The following IST1 variants were observed in gnomAD, a reference collection of about 807,000 sequenced individuals.
The protein encoded by IST1 is IST1 homolog.
A neutral mutation model predicts 37.0 loss-of-function variants in IST1; 23 were observed. That is an observed-to-expected ratio of 0.62 (90% CI 0.45 to 0.88). The LOEUF is 0.88. Ranked by LOEUF, IST1 falls within the 40% of genes least tolerant of loss-of-function variation. IST1 has a pLI of 0.00. For missense variants in IST1, 488 were observed against 445.4 expected (o/e 1.10, Z -0.86); for synonymous variants, 180 against 161.7 (o/e 1.11, Z -0.86).
chr16:71,910,210 G>C (rs539326729), intron 1 of IST1, among the ~76,000 whole-genome samples: 1 of 152,090 alleles, frequency 6.6e-6, no homozygotes, highest in South Asian at 2.1e-4. Context: ...GTGCCATCCT[G>C]CTCATCCCAC....
intron 1 of IST1, among the ~76,000 whole-genome samples, chr16:71,914,191 CAG>C (rs2037420825): frequency 7.0e-6 from 1 of 142,664 alleles, no homozygotes; most frequent in Non-Finnish European, 1.5e-5. Flanking sequence ...TTTTTTGAGA[CAG>C]AGTCTTGTTC....
intron 6 of IST1, among the ~76,000 whole-genome samples, 163 bp from the exon 7 acceptor site, chr16:71,922,311 A>G (rs141919865): frequency 6.6e-6 from 1 of 152,192 alleles, no homozygotes; most frequent in African/African-American, 2.4e-5. Context: ...TTGCAGCCCA[A>G]CTTCTCCTTC....
In IST1 at chr16:71,930,049, T is replaced by C. The variant is rs2037875980; in HGVS notation, c.*2236T>C. ...CATGCTAGTTTATCTTTTAGTTACC[T>C]ACCTTAAGCGACTTTCTTTCTTTTC... On this transcript the variant is annotated 3_prime_UTR_variant, in exon 10 of 10. Coordinates refer to ENST00000378799, the MANE Select transcript of IST1 (RefSeq NM_001270975.2). The C allele has an allele frequency of 1.3e-6, 2 of 1,546,516 alleles. No individual in the cohort carries two copies. The highest frequency in any genetic ancestry group is 1.4e-5 in the African/African-American group (1 of 72,744).
intron 1 of IST1, among the ~76,000 whole-genome samples, chr16:71,909,669 A>T (rs1381476577): frequency 6.6e-6 from 1 of 152,228 alleles, no homozygotes; most frequent in Non-Finnish European, 1.5e-5. Context: ...AATTTTTGCC[A>T]GTCTGGCAGG....
At chr16:71,914,401 C>G (rs1188510575) in intron 1 of IST1, among the ~76,000 whole-genome samples, 1 of 152,064 alleles carries the variant, frequency 6.6e-6, no homozygotes, top group African/African-American at 2.4e-5. Context: ...ACCTCATGAT[C>G]TGCCCACCTC....
intron 4 of IST1, among the ~76,000 whole-genome samples, chr16:71,919,159 C>T (rs1177817055): frequency 6.6e-6 from 1 of 152,216 alleles, no homozygotes; most frequent in African/African-American, 2.4e-5. Context: ...TTCTGTTGCT[C>T]TTGTGATAGA....
At chr16:71,927,344 C>G (rs1325334075) in intron 9 of IST1, among the ~76,000 whole-genome samples, 1 of 151,980 alleles carries the variant, frequency 6.6e-6, no homozygotes, top group Non-Finnish European at 1.5e-5. Flanking sequence ...CAAAAATTAG[C>G]CAGGTGTGGT....
intron 3 of IST1, 78 bp downstream of exon 3, chr16:71,916,720 G>C: frequency 7.9e-7 from 1 of 1,260,610 alleles, no homozygotes; most frequent in Non-Finnish European, 1.1e-6. Flanking sequence ...TCTGCATTAA[G>C]GGACTATTTC....
rs59849119 is a variant in IST1, at chr16:71,908,296, C to CTTTTTTT, written c.-15-7314_-15-7308dup. On this transcript the variant is annotated intron_variant, in intron 1 of 9. Transcript: ENST00000378799. ...GAGAAATTTCCCTTACTCGTTGTAG[C>CTTTTTTT]TTTTTTTTTTTTTTTTTTTTTTGGA... Among the ~76,000 whole-genome samples the CTTTTTTT allele has an allele frequency of 1.6e-3, 120 of 76,830 alleles. 4 individuals are homozygous for CTTTTTTT. Among genetic ancestry groups the CTTTTTTT allele is most frequent in the Non-Finnish European group, 1.9e-3 (82 of 43,562 alleles). The allele number at this position is 76,830 out of a possible 152,430, so 50.4% of individuals were successfully genotyped here. A position where few individuals can be genotyped will look rare whatever the true frequency, so the allele number is the denominator to read the frequency against.
At chr16:71,901,304 C>T (rs537837160) in intron 1 of IST1, among the ~76,000 whole-genome samples, 1 of 152,174 alleles carries the variant, frequency 6.6e-6, no homozygotes, top group East Asian at 1.9e-4. Flanking sequence ...AGCTCCACCT[C>T]CCGGGTTCAC....
intron 7 of IST1, chr16:71,923,012 A>G (rs769185649): frequency 1.1e-5 from 5 of 475,886 alleles, no homozygotes; most frequent in Non-Finnish European, 1.8e-5. Flanking sequence ...ACCTTTGTAG[A>G]TAAGATGGTC....
In IST1 at chr16:71,922,627, A is replaced by G. The variant is rs772268702; in HGVS notation, c.706A>G (p.Met236Val). The change falls in exon 7 of 10, where the codon ATG becomes GTG. Residue 236 changes from methionine to valine, a missense_variant. By Grantham distance (21) the Met-to-Val change is conservative. Coordinates refer to ENST00000378799, the MANE Select transcript of IST1 (RefSeq NM_001270975.2). ...GGTGCCAATGCCCATGCCCATGCCCATGCCTATGCCATCTGCAAATACGCC... is the reference window on the plus strand; with the variant it reads ...GGTGCCAATGCCCATGCCCATGCCCGTGCCTATGCCATCTGCAAATACGCC... ...GTVPMPMPMP[M>V]PMPSANTPFS... 1 of 1,555,112 alleles carries G rather than the reference A, an allele frequency of 6.4e-7. No individual in the cohort carries two copies. The highest frequency in any genetic ancestry group is 8.8e-7 in the Non-Finnish European group (1 of 1,131,196).
rs1400615941 is a variant in IST1 at position 71,929,624 on chromosome 16, T to G, written c.*1811T>G. ...GATGAGGTTTTTTGGGGCCAACTGA[T>G]TCCTAACAAATTTGAGAGCTTCTGT... On this transcript the variant is annotated 3_prime_UTR_variant, in exon 10 of 10. Coordinates refer to ENST00000378799, the MANE Select transcript of IST1 (RefSeq NM_001270975.2). The G allele has an allele frequency of 1.9e-6, 3 of 1,551,834 alleles. No individual in the cohort carries two copies. Among genetic ancestry groups the G allele is most frequent in the Non-Finnish European group, 2.6e-6 (3 of 1,146,926 alleles).
chr16:71,930,304 GGA>G lies in IST1; in HGVS notation c.*2497_*2498del. 2 of 1,018,626 alleles carry G rather than the reference GGA, an allele frequency of 2.0e-6. No homozygotes were observed. 63.1% of individuals were successfully genotyped at this position (1,018,626 alleles called of 1,614,324 possible). On this transcript the variant is annotated 3_prime_UTR_variant, in exon 10 of 10. Coordinates refer to ENST00000378799, the MANE Select transcript of IST1 (RefSeq NM_001270975.2). ...AAAAGCTTATCCGAAGGAAACTTAG[GGA>G]GAGAGTCAAAAGATAATAAGAAGGA...
At position 71,924,850 on chromosome 16, in the gene IST1, C is replaced by T. The variant is rs769470427; in HGVS notation, c.901+33C>T. 8 of 1,428,560 alleles carry T rather than the reference C, an allele frequency of 5.6e-6. No homozygotes were observed. The South Asian group carries it at 9.2e-5, about 16-fold the overall frequency. 88.5% of individuals were successfully genotyped at this position (1,428,560 alleles called of 1,614,324 possible). A position where few individuals can be genotyped will look rare whatever the true frequency, so the allele number is the denominator to read the frequency against. ...GTATCAATCAGAAACCTGCAGAGCT[C>T]AGTGCTGAACCCTCTGCTGTTTTCT... On this transcript the variant is annotated intron_variant, in intron 9 of 9. Coordinates refer to ENST00000378799, the MANE Select transcript of IST1 (RefSeq NM_001270975.2).
intron 1 of IST1, among the ~76,000 whole-genome samples, chr16:71,913,882 C>T (rs1243687681): frequency 1.3e-5 from 2 of 152,124 alleles, no homozygotes; most frequent in African/African-American, 4.8e-5. Context: ...GATCTCAGCT[C>T]ACTGCAAACT....
Position 71,929,834 on chromosome 16 carries a change from G to T in IST1, c.*2021G>T. On this transcript the variant is annotated 3_prime_UTR_variant, in exon 10 of 10. Coordinates refer to ENST00000378799, the MANE Select transcript of IST1 (RefSeq NM_001270975.2). ...CAGGCATTGGAGTGTTTCCACTAAT[G>T]GTTGCGAGCCAACTATTTATAGGAC... 1.1e-6 allele frequency: 1 copy of T among 945,430 alleles called. No individual in the cohort carries two copies. The highest frequency in any genetic ancestry group is 1.5e-6 in the Non-Finnish European group (1 of 649,266). The allele number at this position is 945,430 out of a possible 1,614,324, so 58.6% of individuals were successfully genotyped here.
intron 1 of IST1, among the ~76,000 whole-genome samples, chr16:71,910,620 A>G (rs1462596746): frequency 6.7e-6 from 1 of 149,330 alleles, no homozygotes; most frequent in Non-Finnish European, 1.5e-5. Flanking sequence ...AAAAAAAAAG[A>G]AAAAAAAGAA....
rs372595032 is a variant in IST1 at position 71,923,068 on chromosome 16, G to T, written c.760-220G>T. The T allele has an allele frequency of 1.2e-3, 549 of 476,020 alleles. 4 individuals are homozygous for T. The highest frequency in any genetic ancestry group is 0.01 in the African/African-American group (510 of 50,292). 29.5% of individuals were successfully genotyped at this position (476,020 alleles called of 1,614,324 possible). On this transcript the variant is annotated intron_variant, in intron 7 of 9. Coordinates refer to ENST00000378799, the MANE Select transcript of IST1 (RefSeq NM_001270975.2). ...GTTAGAGTTTTCCCTTGTAAACACT[G>T]AAGCACTTGATTCAATAAAGAATAG... is the stretch of plus-strand genomic sequence containing the variant.
Sources: gnomAD v4.1 joint callset for allele counts (sites outside exome capture counted in the v4.1 genomes callset) on GRCh38, gnomAD v4.1.1 for gene constraint, MANE v1.5 for transcripts, NCBI Gene and HGNC (gene_info 2026-07-23, HGNC 2026-07-21) for gene names.